TRPS1: variants seen among roughly 807,000 people sequenced by gnomAD.
TRPS1 encodes the protein zinc finger transcription factor Trps1.
In TRPS1, 6 loss-of-function variants were observed where a neutral mutation model predicts 101.2. That is an observed-to-expected ratio of 0.06 (90% CI 0.03 to 0.12). The LOEUF (loss-of-function observed/expected upper bound fraction) is 0.12, where lower values mean the gene tolerates loss of function less well. Among genes scored for constraint, TRPS1 ranks in the 10% least tolerant of loss-of-function variants. TRPS1 has a pLI of 1.00. For synonymous variants in TRPS1, 578 were observed against 589.8 expected (o/e 0.98, Z 0.29); for missense variants, 1,363 against 1,567.0 (o/e 0.87, Z 2.20).
intron 5 of TRPS1, among the ~76,000 whole-genome samples, chr8:115,509,086 G>A (rs1010376778): frequency 6.6e-6 from 1 of 151,882 alleles, no homozygotes; most frequent in African/African-American, 2.4e-5. Flanking sequence ...TCCTTATACT[G>A]TATTAGTGTG....
intron 5 of TRPS1, among the ~76,000 whole-genome samples, chr8:115,424,420 G>T (rs1229664077): frequency 6.6e-6 from 1 of 152,168 alleles, no homozygotes; most frequent in African/African-American, 2.4e-5. Context: ...TAATTATTGC[G>T]TGTCCACCAT....
intron 5 of TRPS1, among the ~76,000 whole-genome samples, chr8:115,546,548 A>C (rs973786158): frequency 6.0e-5 from 7 of 117,150 alleles, no homozygotes; most frequent in Non-Finnish European, 1.0e-4. Context: ...AGTAGGAAAA[A>C]ATATAAATGT....
chr8:115,498,675 TCA>T (rs1271977391), intron 5 of TRPS1, among the ~76,000 whole-genome samples: 1 of 151,820 alleles, frequency 6.6e-6, no homozygotes, highest in Non-Finnish European at 1.5e-5. Flanking sequence ...AAAGTTAGTG[TCA>T]CACAAAGTAA....
chr8:115,515,958 G>T (rs1405150236), intron 5 of TRPS1, among the ~76,000 whole-genome samples: 5 of 151,306 alleles, frequency 3.3e-5, no homozygotes, highest in Non-Finnish European at 5.9e-5. Context: ...TATTCCCAAT[G>T]ATGTTGTGCA....
At chr8:115,660,984 A>G (rs1001308946) in intron 1 of TRPS1, among the ~76,000 whole-genome samples, 2 of 151,994 alleles carry the variant, frequency 1.3e-5, no homozygotes, top group Admixed American at 6.6e-5. Flanking sequence ...TACATGTTCC[A>G]TATTATTTCT....
At chr8:115,530,414 T>A (rs1816101421) in intron 5 of TRPS1, among the ~76,000 whole-genome samples, 3 of 152,102 alleles carry the variant, frequency 2.0e-5, no homozygotes, top group Admixed American at 6.6e-5. Flanking sequence ...GGATCTGGTA[T>A]AGAAAGAGCA....
chr8:115,427,631 T>C lies in TRPS1; in HGVS notation c.2701-9179A>G, dbSNP rs184873223. Among the ~76,000 whole-genome samples the C allele has an allele frequency of 1.6e-3, 236 of 152,178 alleles. 3 individuals are homozygous for C. Among genetic ancestry groups the C allele is most frequent in the Non-Finnish European group, 2.1e-4 (14 of 67,994 alleles). On this transcript the variant is annotated intron_variant, in intron 5 of 6. Coordinates refer to ENST00000395715, the MANE Select transcript of TRPS1 (RefSeq NM_014112.5). ...CAGGCCTTATTACTAAAGAGGAGAT[T>C]GGGGAATTTTTACCAAAAATATTAC...
intron 5 of TRPS1, among the ~76,000 whole-genome samples, chr8:115,463,809 AC>A (rs1221175629): frequency 6.6e-6 from 1 of 152,002 alleles, no homozygotes; most frequent in Non-Finnish European, 1.5e-5. Context: ...CAGAGGGCAC[AC>A]CTTTCCTTAG....
chr8:115,590,578 C>T (rs1193462297), intron 4 of TRPS1, among the ~76,000 whole-genome samples: 1 of 152,168 alleles, frequency 6.6e-6, no homozygotes, highest in Non-Finnish European at 1.5e-5. Flanking sequence ...TTGTGGACCA[C>T]AAAGCAAAAT....
intron 4 of TRPS1, among the ~76,000 whole-genome samples, chr8:115,591,476 A>C (rs188896796): frequency 6.6e-6 from 1 of 152,274 alleles, no homozygotes. Flanking sequence ...CCAAAACATG[A>C]GTTCATCACA....
chr8:115,656,250 ATAATT>A (rs1250945635), intron 1 of TRPS1, among the ~76,000 whole-genome samples: 2 of 152,190 alleles, frequency 1.3e-5, no homozygotes, highest in Non-Finnish European at 2.9e-5. Context: ...ACACATAATT[ATAATT>A]TAAGAATGCC....
chr8:115,428,525 G>A (rs1365177285), intron 5 of TRPS1, among the ~76,000 whole-genome samples: 3 of 152,176 alleles, frequency 2.0e-5, no homozygotes. Flanking sequence ...TTATTTTAAT[G>A]TAAACAACAA....
At chr8:115,613,550 A>C (rs989633933) in intron 3 of TRPS1, among the ~76,000 whole-genome samples, 1 of 152,230 alleles carries the variant, frequency 6.6e-6, no homozygotes, top group African/African-American at 2.4e-5. Flanking sequence ...TGTGGTTGTG[A>C]AGACAGGCTT....
chr8:115,522,075 G>A (rs1336799238), intron 5 of TRPS1, among the ~76,000 whole-genome samples: 2 of 151,872 alleles, frequency 1.3e-5, no homozygotes, highest in African/African-American at 2.4e-5. Context: ...AGTTTGTCAG[G>A]TTAAACATAA....
chr8:115,629,072 G>C (rs1818578406), intron 1 of TRPS1, among the ~76,000 whole-genome samples: 1 of 151,686 alleles, frequency 6.6e-6, no homozygotes, highest in Non-Finnish European at 1.5e-5. Context: ...GAACACAGTG[G>C]GAAAGGCCAC....
chr8:115,604,447 T>C lies in TRPS1; in HGVS notation c.1522A>G (p.Met508Val), dbSNP rs748068550. The C allele has an allele frequency of 1.3e-5, 21 of 1,614,096 alleles. No individual in the cohort carries two copies. The South Asian group carries it at 2.3e-4, about 18-fold the overall frequency. The change falls in exon 4 of 7, where the codon ATG (methionine) becomes GTG (valine). Residue 508 changes from methionine to valine, a missense_variant. Coordinates refer to ENST00000395715, the MANE Select transcript of TRPS1 (RefSeq NM_014112.5). This position sits in a 1 kb window ranked among gnomAD's most constrained non-coding sequence, Gnocchi z 4.1. The stretch of plus-strand genomic sequence containing the variant: ...CTCGAGCTCTTGTCTGTCTTGGTCA[T>C]TGTCTCTCCTTCTGAACTTTTGGCT... ...DLAKSSEGETMTKTDKSSSGA... is the reference protein window; with the variant it reads ...DLAKSSEGETVTKTDKSSSGA...
chr8:115,586,085 A>G (rs1817554973), intron 5 of TRPS1, among the ~76,000 whole-genome samples: 1 of 152,186 alleles, frequency 6.6e-6, no homozygotes, highest in Admixed American at 6.6e-5. Context: ...CTATTTCCCA[A>G]CTGGATCTTT....
chr8:115,649,570 C>T (rs530941808), intron 1 of TRPS1, among the ~76,000 whole-genome samples: 17 of 152,282 alleles, frequency 1.1e-4, no homozygotes, highest in African/African-American at 2.2e-4. Context: ...CATTTTAAGG[C>T]GGCCCCAATG....
chr8:115,552,140 CAA>C (rs1816719747), intron 5 of TRPS1, among the ~76,000 whole-genome samples: 1 of 151,946 alleles, frequency 6.6e-6, no homozygotes. Context: ...TTAACACTGT[CAA>C]AAAAATAAAC....
Sources: gnomAD v4.1 joint callset for allele counts (sites outside exome capture counted in the v4.1 genomes callset) on GRCh38, gnomAD v4.1.1 for gene constraint, Gnocchi (gnomAD v3.1) non-coding constraint, MANE v1.5 for transcripts, NCBI Gene and HGNC (gene_info 2026-07-23, HGNC 2026-07-21) for gene names.